Variants in EIF3B observed in about 807,000 individuals in gnomAD.
EIF3B encodes eukaryotic translation initiation factor 3 subunit 9.
Under a neutral mutation model 104.6 loss-of-function variants are expected in EIF3B, and 10 were observed. That is an observed-to-expected ratio of 0.10 (90% CI 0.06 to 0.16). EIF3B has a LOEUF of 0.16. Ranked by LOEUF, EIF3B falls within the 10% of genes least tolerant of loss-of-function variation. The pLI, the probability that EIF3B is intolerant of heterozygous loss-of-function variation, is 1.00. For synonymous variants in EIF3B, 542 were observed against 417.2 expected (o/e 1.30, Z -3.65); for missense variants, 1,014 against 1,087.9 (o/e 0.93, Z 0.96).
At chr7:2,369,996 T>G (rs566809166) in intron 10 of EIF3B, among the ~76,000 whole-genome samples, 1 of 151,948 alleles carries the variant, frequency 6.6e-6, no homozygotes, top group Non-Finnish European at 1.5e-5. Flanking sequence ...AGGCTGGTCT[T>G]GAACTCCTGA....
rs766141914 is a variant in EIF3B, at chr7:2,380,261, G to A, written c.*72G>A. The A allele has an allele frequency of 2.7e-5, 13 of 488,930 alleles. No individual in the cohort carries two copies. The highest frequency in any genetic ancestry group is 7.4e-5 in the South Asian group (5 of 67,216). The allele number at this position is 488,930 out of a possible 1,614,324, so 30.3% of individuals were successfully genotyped here. On this transcript the variant is annotated 3_prime_UTR_variant, in exon 19 of 19. Coordinates refer to ENST00000360876, the MANE Select transcript of EIF3B (RefSeq NM_001037283.2). ...GCTACAGGACTCCCGAGTGTGAGCC[G>A]CGGTTCCTCTGTTGCAGCGCAGCCG...
intron 12 of EIF3B, 130 bp downstream of exon 12, chr7:2,372,925 G>A (rs749492719): frequency 5.7e-6 from 6 of 1,059,122 alleles, no homozygotes; most frequent in Non-Finnish European, 7.7e-6. Context: ...TATGAATGGG[G>A]TGTGGCCTCG....
chr7:2,366,275 C>A, intron 6 of EIF3B, 42 bp from the exon 7 acceptor site: 1 of 1,537,404 alleles, frequency 6.5e-7, no homozygotes, highest in Non-Finnish European at 8.7e-7. Context: ...GTGATCCTCT[C>A]GTGAGAGGAG....
At position 2,354,872 on chromosome 7, in the gene EIF3B, G is replaced by A. The variant is rs1779297218; in HGVS notation, c.-50G>A. On this transcript the variant is annotated 5_prime_UTR_variant, in exon 1 of 19. Coordinates refer to ENST00000360876, the MANE Select transcript of EIF3B (RefSeq NM_001037283.2). ...GCGGCGCGCGGTGCGGCCTGGGAGA[G>A]TCGGAAGCGCGGCGGCCGCGGAGCC... 3 of 1,125,408 alleles carry A rather than the reference G, an allele frequency of 2.7e-6. No individual in the cohort carries two copies. Among genetic ancestry groups the A allele is most frequent in the Non-Finnish European group, 3.3e-6 (3 of 921,296 alleles). 69.7% of individuals were successfully genotyped at this position (1,125,408 alleles called of 1,614,324 possible). A position where few individuals can be genotyped will look rare whatever the true frequency, so the allele number is the denominator to read the frequency against.
intron 9 of EIF3B, among the ~76,000 whole-genome samples, chr7:2,368,479 G>A (rs550901651): frequency 6.6e-6 from 1 of 152,334 alleles, no homozygotes; most frequent in East Asian, 1.9e-4. Flanking sequence ...ACACAAGGAT[G>A]GAGGCTTGAG....
At position 2,379,176 on chromosome 7, in the gene EIF3B, A is replaced by C. The variant is rs1367932649; in HGVS notation, c.2275A>C (p.Lys759Gln). 1 of 1,613,988 alleles carries C rather than the reference A, an allele frequency of 6.2e-7. No individual in the cohort carries two copies. The highest frequency in any genetic ancestry group is 1.7e-5 in the Admixed American group (1 of 60,008). The change falls in exon 17 of 19, where the codon AAG becomes CAG. Residue 759 changes from lysine (K) to glutamine (Q), a missense_variant. By Grantham distance (53) the Lys-to-Gln change is moderately conservative. This residue lies in a region of EIF3B where 266 missense variants were observed against 324.0 expected (regional missense o/e 0.82). Transcript: ENST00000360876. ...RRRTMMEDFR[K>Q]YRKMAQELYM... ...GCGCACCATGATGGAAGATTTCCGGAAGTACCGGAAAATGGCCCAGGAGCT... is the reference window on the plus strand; with the variant it reads ...GCGCACCATGATGGAAGATTTCCGGCAGTACCGGAAAATGGCCCAGGAGCT...
In EIF3B at chr7:2,367,825, A is replaced by ATTTTTTTT. The variant is rs71026506; in HGVS notation, c.1403+807_1403+814dup. On this transcript the variant is annotated intron_variant, in intron 9 of 18. Transcript: ENST00000360876. ...ACGGTGAGTTTGTTCTTTTTTTAAA[A>ATTTTTTTT]TTTTTTTTTTTTTTTTTTTTTTTTT... Among the ~76,000 whole-genome samples the ATTTTTTTT allele has an allele frequency of 1.4e-3, 82 of 60,292 alleles. 1 individual carries two copies. Among genetic ancestry groups the ATTTTTTTT allele is most frequent in the African/African-American group, 3.9e-3 (46 of 11,650 alleles). The allele number at this position is 60,292 out of a possible 152,430, so 39.6% of individuals were successfully genotyped here. A position where few individuals can be genotyped will look rare whatever the true frequency, so the allele number is the denominator to read the frequency against.
Position 2,372,795 on chromosome 7 carries a change from A to C in EIF3B, c.1810A>C (p.Lys604Gln). The C allele has an allele frequency of 1.2e-6, 2 of 1,613,848 alleles. No homozygotes were observed. Among genetic ancestry groups the C allele is most frequent in the Non-Finnish European group, 1.7e-6 (2 of 1,179,836 alleles). The change falls in exon 12 of 19, where the codon AAG becomes CAG. Residue 604 changes from lysine to glutamine, a missense_variant and splice_region_variant. Coordinates refer to ENST00000360876, the MANE Select transcript of EIF3B (RefSeq NM_001037283.2). ...AAACAACGGGAAGATTGAACTCATC[A>C]GTAAGTAACCTGGTCCCTTTCCTCT... ...VKNNGKIELI[K>Q]MFDKQQANTI...
intron 6 of EIF3B, among the ~76,000 whole-genome samples, 176 bp downstream of exon 6, chr7:2,364,705 C>G (rs1042364451): frequency 6.6e-6 from 1 of 152,202 alleles, no homozygotes; most frequent in East Asian, 1.9e-4. Context: ...ACGTCATCAT[C>G]TCCTATACAG....
upstream of EIF3B, chr7:2,354,801 T>G: frequency 1.6e-4 from 137 of 842,482 alleles, no homozygotes; most frequent in Non-Finnish European, 1.8e-4. Context: ...CCCGCGGCCT[T>G]GGTGCGGCCT....
intron 11 of EIF3B, 199 bp downstream of exon 11, chr7:2,372,048 A>T: frequency 5.4e-6 from 3 of 556,564 alleles, no homozygotes; most frequent in South Asian, 2.1e-5. Flanking sequence ...CAAAAAACAA[A>T]TAAAAAAAAT....
At chr7:2,367,114 A>AAC in intron 9 of EIF3B, 69 bp downstream of exon 9, 2 of 1,397,494 alleles carry the variant, frequency 1.4e-6, no homozygotes, top group African/African-American at 3.0e-5. Context: ...AAAAAAAAAA[A>AAC]AAAAACACAA....
chr7:2,377,170 TG>T, intron 15 of EIF3B, 95 bp downstream of exon 15: 1 of 1,462,298 alleles, frequency 6.8e-7, no homozygotes, highest in South Asian at 1.4e-5. Context: ...GGGTGGTGAC[TG>T]GGGGATAAAA....
At chr7:2,366,856 A>T (rs1272597560) in intron 8 of EIF3B, 143 bp from the exon 9 acceptor site, 5 of 912,546 alleles carry the variant, frequency 5.5e-6, no homozygotes, top group Non-Finnish European at 8.6e-6. Flanking sequence ...GGGTGGGTGG[A>T]TGGGTTCACT....
At chr7:2,372,518 A>C (rs1021617724) in intron 11 of EIF3B, among the ~76,000 whole-genome samples, 155 bp from the exon 12 acceptor site, 3 of 151,988 alleles carry the variant, frequency 2.0e-5, no homozygotes, top group African/African-American at 7.2e-5. Flanking sequence ...AGGAATGTGC[A>C]CCTTTCCTGC....
chr7:2,362,179 C>T (rs1318358813), intron 2 of EIF3B, among the ~76,000 whole-genome samples: 1 of 152,040 alleles, frequency 6.6e-6, no homozygotes, highest in Non-Finnish European at 1.5e-5. Context: ...GGGCTGGTCT[C>T]GAACTCCTGA....
At chr7:2,364,765 T>G (rs1779913538) in intron 6 of EIF3B, among the ~76,000 whole-genome samples, 1 of 152,246 alleles carries the variant, frequency 6.6e-6, no homozygotes. Flanking sequence ...CATGTCCCTT[T>G]AGCCCTGAAT....
In EIF3B at chr7:2,355,193, A is replaced by G; in HGVS notation, c.272A>G (p.Glu91Gly). 1 of 1,480,902 alleles carries G rather than the reference A, an allele frequency of 6.8e-7. No individual in the cohort carries two copies. The highest frequency in any genetic ancestry group is 1.3e-5 in the South Asian group (1 of 78,176). 91.7% of individuals were successfully genotyped at this position (1,480,902 alleles called of 1,614,324 possible). A position where few individuals can be genotyped will look rare whatever the true frequency, so the allele number is the denominator to read the frequency against. The change falls in exon 1 of 19, where the codon GAG (glutamate) becomes GGG (glycine). Residue 91 changes from glutamate to glycine, a missense_variant. By Grantham distance (98) the Glu-to-Gly change is moderately conservative (BLOSUM62 -2). Transcript: ENST00000360876. ...TCGCCCTCGCCGCCGGCCGCCGAGG[A>G]GCTGCCCGGGTCGCATGCTGAGCCC... ...SESPSPPAAE[E>G]LPGSHAEPPV...
At chr7:2,354,512 C>T (rs1395217062), upstream of EIF3B, among the ~76,000 whole-genome samples, 1 of 152,144 alleles carries the variant, frequency 6.6e-6, no homozygotes, top group African/African-American at 2.4e-5. Flanking sequence ...CATTTCTTGT[C>T]CCCGCCTTCA....
Sources: gnomAD v4.1 joint callset for allele counts (sites outside exome capture counted in the v4.1 genomes callset) on GRCh38, gnomAD v4.1.1 for gene constraint, gnomAD v4.1.1 regional missense constraint, MANE v1.5 for transcripts, NCBI Gene and HGNC (gene_info 2026-07-23, HGNC 2026-07-21) for gene names.